RBFOX1: variants seen among roughly 807,000 people sequenced by gnomAD.
RBFOX1 encodes the protein RNA binding protein fox-1 homolog 1.
In RBFOX1, 8 loss-of-function variants were observed where a neutral mutation model predicts 57.7. That is an observed-to-expected ratio of 0.14 (90% confidence interval 0.08 to 0.25). RBFOX1 has a LOEUF of 0.25. Ranked by LOEUF, RBFOX1 falls within the 10% of genes least tolerant of loss-of-function variation. RBFOX1 has a pLI of 1.00. For missense variants in RBFOX1, 611 were observed against 548.5 expected, an observed-to-expected ratio of 1.11 and a Z score of -1.14; for synonymous variants, 326 against 222.4, an observed-to-expected ratio of 1.47 and a Z score of -4.15.
At chr16:5,828,086 C>T (rs1330360018) in intron 3 of RBFOX1, among the ~76,000 whole-genome samples, 1 of 152,008 alleles carries the variant, frequency 6.6e-6, no homozygotes, top group Non-Finnish European at 1.5e-5. Flanking sequence ...GCCAGCCAGC[C>T]AGCCTGCCTT....
In RBFOX1 at chr16:6,568,650, CAGAAG is replaced by C. The variant is rs559096634; in HGVS notation, c.-63-85949_-63-85945del. ...TTCTCATGTATCTTATTCTGATTCTCAGAAGAGAGCCCTGGATAGAACATGTAACT... is the reference window on the plus strand; with the variant it reads ...TTCTCATGTATCTTATTCTGATTCTCAGAGCCCTGGATAGAACATGTAACT... On this transcript the variant is annotated intron_variant, in intron 2 of 15. Coordinates refer to ENST00000550418, the MANE Select transcript of RBFOX1 (RefSeq NM_018723.4). Among the ~76,000 whole-genome samples, 199 of 152,268 alleles carry C rather than the reference CAGAAG, an allele frequency of 1.3e-3. 2 individuals are homozygous for C. The highest frequency in any genetic ancestry group is 4.6e-3 in the African/African-American group (191 of 41,568).
chr16:5,598,234 A>T (rs1714644692), intron 2 of RBFOX1, among the ~76,000 whole-genome samples: 1 of 151,700 alleles, frequency 6.6e-6, no homozygotes, highest in South Asian at 2.1e-4. Flanking sequence ...AAAAAAAAAA[A>T]AATAAATAAA....
intron 4 of RBFOX1, among the ~76,000 whole-genome samples, chr16:5,897,314 CGT>C (rs1456160132): frequency 6.6e-6 from 1 of 152,066 alleles, no homozygotes; most frequent in Non-Finnish European, 1.5e-5. Context: ...GGATTACAGG[CGT>C]GAGCCACCGC....
rs368025134 is a variant in RBFOX1, at chr16:6,797,946, A to G, written c.-16+143296A>G. Among the ~76,000 whole-genome samples, 7 of 152,108 alleles carry G rather than the reference A, an allele frequency of 4.6e-5. No homozygotes were observed. The South Asian group carries it at 1.3e-3, about 27-fold the overall frequency. On this transcript the variant is annotated intron_variant, in intron 3 of 15. Coordinates refer to ENST00000550418, the MANE Select transcript of RBFOX1 (RefSeq NM_018723.4). ...GTATTTTCTTGTCTTTGAAATGGAG[A>G]TGATGATGATGGTGATCACGGTGAT...
At position 5,412,247 on chromosome 16, in the gene RBFOX1, G is replaced by C. The variant is rs565917024; in HGVS notation, c.220-54969G>C. On this transcript the variant is annotated intron_variant, in intron 1 of 2. Transcript: ENST00000585867. ...AGTGACCACCTGTCTCCAGTCTTTAGAATCCTCATCTCTGAGTTAGGAACA... is the reference window on the plus strand; with the variant it reads ...AGTGACCACCTGTCTCCAGTCTTTACAATCCTCATCTCTGAGTTAGGAACA... 2.1e-4 allele frequency among the ~76,000 whole-genome samples: 31 copies of C among 147,452 alleles called. No individual in the cohort carries two copies. In the South Asian group the frequency reaches 4.2e-3, roughly 20 times the overall value.
intron 1 of RBFOX1, among the ~76,000 whole-genome samples, chr16:6,029,499 C>T (rs989644488): frequency 2.0e-5 from 3 of 152,126 alleles, no homozygotes; most frequent in Non-Finnish European, 4.4e-5. Context: ...CATGGCCGGG[C>T]GTGGTGGCTC....
At chr16:5,834,050 C>T (rs2056372233) in intron 3 of RBFOX1, among the ~76,000 whole-genome samples, 1 of 152,188 alleles carries the variant, frequency 6.6e-6, no homozygotes, top group African/African-American at 2.4e-5. Flanking sequence ...AGGCCTGGCA[C>T]CAAACCACTG....
rs1234853106 is a variant in RBFOX1 at position 7,168,928 on chromosome 16, A to AAGGT, written c.27+116831_27+116834dup. On this transcript the variant is annotated intron_variant, in intron 4 of 15. Coordinates refer to ENST00000550418, the MANE Select transcript of RBFOX1 (RefSeq NM_018723.4). The stretch of plus-strand genomic sequence containing the variant: ...TTTCTTAATGTCATATATATTTTTA[A>AAGGT]AGGTTTGTGATGTCCTTCCTTGGAT... Among the ~76,000 whole-genome samples the AAGGT allele has an allele frequency of 3.3e-5, 5 of 152,142 alleles. No homozygotes were observed. The East Asian group carries it at 9.6e-4, about 29-fold the overall frequency.
At chr16:7,575,659 C>A (rs1177025465) in intron 5 of RBFOX1, among the ~76,000 whole-genome samples, 1 of 152,170 alleles carries the variant, frequency 6.6e-6, no homozygotes, top group Admixed American at 6.5e-5. Context: ...CTGTCCTCTA[C>A]AACTACAGGA....
chr16:5,709,150 A>G (rs2051359117), intron 3 of RBFOX1, among the ~76,000 whole-genome samples: 1 of 152,194 alleles, frequency 6.6e-6, no homozygotes, highest in South Asian at 2.1e-4. Context: ...GTCTTGATGA[A>G]TACAGCATCT....
intron 1 of RBFOX1, among the ~76,000 whole-genome samples, chr16:6,252,136 G>C (rs368837218): frequency 6.6e-6 from 1 of 152,070 alleles, no homozygotes; most frequent in Non-Finnish European, 1.5e-5. Context: ...TCCACATGGG[G>C]AAGAGAATGT....
rs143301214 is a variant in RBFOX1, at chr16:7,444,276, G to A, written c.28-73871G>A. On this transcript the variant is annotated intron_variant, in intron 4 of 15. Transcript: ENST00000550418. ...TTTCCTAATGGGTCATCCAGAAAAC[G>A]TGGGTGTGGTCTGGCTGGAACAGAG... Among the ~76,000 whole-genome samples the A allele has an allele frequency of 2.2e-4, 33 of 152,262 alleles. 1 individual carries two copies. The East Asian group carries it at 4.8e-3, about 22-fold the overall frequency.
At chr16:7,409,518 TG>T (rs1441085057) in intron 4 of RBFOX1, among the ~76,000 whole-genome samples, 1 of 152,200 alleles carries the variant, frequency 6.6e-6, no homozygotes, top group Non-Finnish European at 1.5e-5. Context: ...TGTTGCCAGT[TG>T]TTCCTGGTTT....
chr16:5,786,323 C>A (rs2054499044), intron 3 of RBFOX1, among the ~76,000 whole-genome samples: 1 of 152,104 alleles, frequency 6.6e-6, no homozygotes, highest in Admixed American at 6.5e-5. Context: ...CTCCCAAGTC[C>A]AGGATGGGGG....
intron 3 of RBFOX1, among the ~76,000 whole-genome samples, chr16:5,642,828 T>A (rs2048925704): frequency 6.6e-6 from 1 of 152,136 alleles, no homozygotes; most frequent in Admixed American, 6.5e-5. Flanking sequence ...ACAGACATAA[T>A]ACTAGAGGCA....
At chr16:5,249,748 C>T (rs887528699) in intron 1 of RBFOX1, among the ~76,000 whole-genome samples, 1 of 152,218 alleles carries the variant, frequency 6.6e-6, no homozygotes, top group Non-Finnish European at 1.5e-5. Context: ...GTGGGCGGGC[C>T]AGGAATTCGA....
intron 4 of RBFOX1, among the ~76,000 whole-genome samples, chr16:7,168,520 A>G (rs2080038155): frequency 2.6e-5 from 4 of 152,198 alleles, no homozygotes; most frequent in African/African-American, 9.7e-5. Flanking sequence ...TCATACTGGT[A>G]CAGAAAACCT....
chr16:7,220,395 A>C (rs79694593), intron 4 of RBFOX1, among the ~76,000 whole-genome samples: 19,780 of 152,238 alleles, frequency 0.13, 1,862 homozygotes, highest in African/African-American at 0.26. Flanking sequence ...TTGTTGCTCA[A>C]AGAAGGTGCA....
At chr16:7,339,426 A>G (rs1393622336) in intron 4 of RBFOX1, among the ~76,000 whole-genome samples, 1 of 152,040 alleles carries the variant, frequency 6.6e-6, no homozygotes, top group African/African-American at 2.4e-5. Flanking sequence ...AGAGAAGGAG[A>G]GAGGAAAGAT....
Sources: gnomAD v4.1 joint callset for allele counts (sites outside exome capture counted in the v4.1 genomes callset) on GRCh38, gnomAD v4.1.1 for gene constraint, MANE v1.5 for transcripts, NCBI Gene and HGNC (gene_info 2026-07-23, HGNC 2026-07-21) for gene names.